The following CSMD1 variants were observed in gnomAD, a reference collection of about 807,000 sequenced individuals.
The protein encoded by CSMD1 is CUB and Sushi multiple domains 1.
Under a neutral mutation model 417.5 loss-of-function variants are expected in CSMD1, and 213 were observed. The observed-to-expected ratio is 0.51, with a 90% CI of 0.46 to 0.57. The LOEUF (loss-of-function observed/expected upper bound fraction) is 0.57, where lower values mean the gene tolerates loss of function less well. CSMD1 is among the 20% of genes least tolerant of loss of function. CSMD1 has a pLI of 0.00. For missense variants in CSMD1, 6,923 were observed against 4,529.7 expected, an observed-to-expected ratio of 1.53 and a Z score of -15.17; for synonymous variants, 2,862 against 1,736.8, an observed-to-expected ratio of 1.65 and a Z score of -16.11.
chr8:3,535,825 C>G (rs1563131288), intron 10 of CSMD1, among the ~76,000 whole-genome samples: 2 of 152,238 alleles, frequency 1.3e-5, no homozygotes, highest in East Asian at 3.9e-4. Context: ...TTTCCTCTCC[C>G]ACCAGTTTTT....
At chr8:4,171,747 T>C (rs1274909663) in intron 3 of CSMD1, among the ~76,000 whole-genome samples, 7 of 152,150 alleles carry the variant, frequency 4.6e-5, no homozygotes, top group African/African-American at 1.4e-4. Flanking sequence ...CATCTTTTTA[T>C]TTTATTCTTT....
chr8:3,805,318 A>C (rs1430721212), intron 5 of CSMD1, among the ~76,000 whole-genome samples: 1 of 152,166 alleles, frequency 6.6e-6, no homozygotes, highest in Non-Finnish European at 1.5e-5. Context: ...CACCAGCCTC[A>C]AAGGCAAGAA....
At chr8:3,839,892 G>C (rs1035454119) in intron 5 of CSMD1, among the ~76,000 whole-genome samples, 1 of 151,916 alleles carries the variant, frequency 6.6e-6, no homozygotes, top group Non-Finnish European at 1.5e-5. Flanking sequence ...ACAGCCTTTT[G>C]AGGTAGTAGG....
intron 5 of CSMD1, among the ~76,000 whole-genome samples, chr8:3,835,675 A>T (rs909303971): frequency 6.6e-6 from 1 of 151,736 alleles, no homozygotes; most frequent in African/African-American, 2.4e-5. Context: ...ACAAACCTGC[A>T]CATTGTGCAC....
intron 2 of CSMD1, among the ~76,000 whole-genome samples, chr8:4,429,007 C>T (rs1398285862): frequency 6.6e-6 from 1 of 152,080 alleles, no homozygotes; most frequent in Non-Finnish European, 1.5e-5. Flanking sequence ...AGGCACTGCA[C>T]GTCGGCCTTA....
intron 1 of CSMD1, among the ~76,000 whole-genome samples, chr8:4,775,481 G>C (rs983118481): frequency 1.3e-5 from 2 of 151,940 alleles, no homozygotes; most frequent in Admixed American, 6.6e-5. Flanking sequence ...ATATTGGAAG[G>C]GTATAAAATA....
chr8:3,267,213 TGA>T (rs1801497952), intron 26 of CSMD1, among the ~76,000 whole-genome samples: 2 of 151,112 alleles, frequency 1.3e-5, no homozygotes, highest in African/African-American at 4.9e-5. Flanking sequence ...GTAACAGGAG[TGA>T]GAAACAGTGG....
chr8:3,102,905 A>G (rs2129013241), intron 46 of CSMD1, among the ~76,000 whole-genome samples: 1 of 152,320 alleles, frequency 6.6e-6, no homozygotes, highest in East Asian at 1.9e-4. Context: ...CCCTTTTAGA[A>G]TTCAACGAGT....
At chr8:4,717,719 G>C (rs1447973026) in intron 1 of CSMD1, among the ~76,000 whole-genome samples, 1 of 152,096 alleles carries the variant, frequency 6.6e-6, no homozygotes, top group Non-Finnish European at 1.5e-5. Flanking sequence ...ATCACATACA[G>C]TGGAGCCATG....
intron 1 of CSMD1, among the ~76,000 whole-genome samples, chr8:4,897,005 T>C (rs534090231): frequency 2.6e-5 from 4 of 152,168 alleles, no homozygotes; most frequent in Non-Finnish European, 5.9e-5. Context: ...TTTTTTACAC[T>C]GACTTCTCTT....
chr8:3,688,492 A>G (rs545148834), intron 7 of CSMD1, among the ~76,000 whole-genome samples: 2 of 152,350 alleles, frequency 1.3e-5, no homozygotes, highest in African/African-American at 4.8e-5. Context: ...TCAAATGAGG[A>G]AATGTAGTTA....
At chr8:4,527,246 T>A (rs370520999) in intron 2 of CSMD1, among the ~76,000 whole-genome samples, 26 of 152,312 alleles carry the variant, frequency 1.7e-4, no homozygotes, top group South Asian at 1.4e-3. Flanking sequence ...CATCAAACAT[T>A]AGCATTAGGA....
At chr8:3,277,695 G>A (rs540884985) in intron 26 of CSMD1, among the ~76,000 whole-genome samples, 12 of 152,184 alleles carry the variant, frequency 7.9e-5, no homozygotes, top group Non-Finnish European at 1.3e-4. Context: ...TTGCCTCTCT[G>A]CATCTCTGCA....
At chr8:4,522,820 A>G (rs760058117) in intron 2 of CSMD1, among the ~76,000 whole-genome samples, 17 of 152,138 alleles carry the variant, frequency 1.1e-4, no homozygotes, top group Admixed American at 5.9e-4. Context: ...GAACAGTAAG[A>G]ATAGCACACA....
intron 1 of CSMD1, among the ~76,000 whole-genome samples, chr8:4,671,335 C>T (rs544182330): frequency 2.6e-5 from 4 of 151,874 alleles, no homozygotes; most frequent in South Asian, 2.1e-4. Flanking sequence ...TTTTTTAAAC[C>T]TAATTGATGC....
At chr8:3,687,121 T>G (rs1380178254) in intron 7 of CSMD1, among the ~76,000 whole-genome samples, 2 of 152,242 alleles carry the variant, frequency 1.3e-5, no homozygotes, top group Non-Finnish European at 2.9e-5. Flanking sequence ...TATACTAATT[T>G]AAAACCAGAA....
At chr8:4,639,477 G>C (rs890905472) in intron 1 of CSMD1, among the ~76,000 whole-genome samples, 2 of 152,128 alleles carry the variant, frequency 1.3e-5, no homozygotes, top group African/African-American at 4.8e-5. Flanking sequence ...CATTTCGTTT[G>C]TCTGAGGTTA....
At chr8:4,297,950 T>G (rs1012351443) in intron 3 of CSMD1, among the ~76,000 whole-genome samples, 1 of 152,164 alleles carries the variant, frequency 6.6e-6, no homozygotes, top group Admixed American at 6.5e-5. Flanking sequence ...AAAGGCTAGG[T>G]GACGGATTAC....
intron 7 of CSMD1, among the ~76,000 whole-genome samples, chr8:3,648,322 T>C (rs1797679565): frequency 6.6e-6 from 1 of 152,328 alleles, no homozygotes; most frequent in South Asian, 2.1e-4. Flanking sequence ...GCTGAAATAA[T>C]AGTTGTTGCT....
Sources: gnomAD v4.1 joint callset for allele counts (sites outside exome capture counted in the v4.1 genomes callset) on GRCh38, gnomAD v4.1.1 for gene constraint, MANE v1.5 for transcripts, NCBI Gene and HGNC (gene_info 2026-07-23, HGNC 2026-07-21) for gene names.